The following PAPPA2 variants were observed in gnomAD, a reference collection of about 807,000 sequenced individuals.
PAPPA2 encodes pappalysin-2.
PAPPA2 carries 86 observed loss-of-function variants against 176.4 expected under a neutral mutation model. The observed-to-expected ratio is 0.49, with a 90% CI of 0.41 to 0.58. PAPPA2 has a LOEUF of 0.58. Among genes scored for constraint, PAPPA2 ranks in the 20% least tolerant of loss-of-function variants. The pLI, the probability that PAPPA2 is intolerant of heterozygous loss-of-function variation, is 0.00. For missense variants in PAPPA2, 2,073 were observed against 2,256.9 expected, an observed-to-expected ratio of 0.92 and a Z score of 1.65; for synonymous variants, 809 against 852.2, an observed-to-expected ratio of 0.95 and a Z score of 0.88.
chr1:176,798,180 A>C (rs1247361816), intron 20 of PAPPA2, among the ~76,000 whole-genome samples: 1 of 152,240 alleles, frequency 6.6e-6, no homozygotes, highest in Admixed American at 6.5e-5. Context: ...CAACTCCACT[A>C]TTATGAATTT....
At chr1:176,604,643 C>T (rs191780942) in intron 3 of PAPPA2, among the ~76,000 whole-genome samples, 4 of 152,216 alleles carry the variant, frequency 2.6e-5, no homozygotes, top group Admixed American at 2.0e-4. Flanking sequence ...ACTATCTGGC[C>T]GTTTATGAAA....
chr1:176,476,702 G>A (rs1652143912), intron 1 of PAPPA2, among the ~76,000 whole-genome samples: 1 of 152,128 alleles, frequency 6.6e-6, no homozygotes, highest in African/African-American at 2.4e-5. Context: ...GCCAGTTTTG[G>A]AACCATGACT....
At chr1:176,510,425 C>T (rs1413649143) in intron 1 of PAPPA2, among the ~76,000 whole-genome samples, 2 of 151,984 alleles carry the variant, frequency 1.3e-5, no homozygotes, top group Non-Finnish European at 2.9e-5. Context: ...AATGCCATAT[C>T]AAATGAACAT....
intron 3 of PAPPA2, among the ~76,000 whole-genome samples, chr1:176,663,241 T>A (rs2102761631): frequency 1.3e-5 from 2 of 152,304 alleles, no homozygotes; most frequent in East Asian, 3.9e-4. Flanking sequence ...TATCAAAAAC[T>A]TCCCATCATG....
chr1:176,554,879 T>C lies in PAPPA2; in HGVS notation c.-916-528T>C, dbSNP rs553771804. Among the ~76,000 whole-genome samples, 3 of 152,314 alleles carry C rather than the reference T, an allele frequency of 2.0e-5. No individual in the cohort carries two copies. In the South Asian group the frequency reaches 6.2e-4, roughly 32 times the overall value. Reference sequence around the variant, plus strand: ...TTGAACAAAGTAAGAAAAAATACTTTGTTTTGTTTGTGACAAAACAAAAGA... The same window carrying C: ...TTGAACAAAGTAAGAAAAAATACTTCGTTTTGTTTGTGACAAAACAAAAGA... On this transcript the variant is annotated intron_variant, in intron 1 of 22. Transcript: ENST00000367662.
intron 3 of PAPPA2, among the ~76,000 whole-genome samples, chr1:176,627,288 G>A (rs1656085428): frequency 1.3e-5 from 2 of 152,118 alleles, no homozygotes; most frequent in African/African-American, 4.8e-5. Context: ...AAAAAAGTTG[G>A]TTGGATTAAG....
At chr1:176,750,861 T>C (rs1204193849) in intron 14 of PAPPA2, among the ~76,000 whole-genome samples, 2 of 152,198 alleles carry the variant, frequency 1.3e-5, no homozygotes, top group African/African-American at 4.8e-5. Flanking sequence ...TATATGGTCC[T>C]ATATGCAAAG....
chr1:176,708,596 T>C (rs1040668509), intron 10 of PAPPA2, among the ~76,000 whole-genome samples: 2 of 149,782 alleles, frequency 1.3e-5, no homozygotes, highest in Admixed American at 6.7e-5. Flanking sequence ...GCACATACAT[T>C]GGCTTTGGAG....
chr1:176,640,496 T>C (rs1413147439), intron 3 of PAPPA2, among the ~76,000 whole-genome samples: 1 of 151,794 alleles, frequency 6.6e-6, no homozygotes, highest in Non-Finnish European at 1.5e-5. Flanking sequence ...TCCAATTTCA[T>C]CCATGTCCCT....
At chr1:176,544,303 T>C (rs2102570764) in intron 1 of PAPPA2, among the ~76,000 whole-genome samples, 1 of 152,306 alleles carries the variant, frequency 6.6e-6, no homozygotes, top group East Asian at 1.9e-4. Flanking sequence ...ATTAATAATA[T>C]CTGGCTCTGA....
At chr1:176,479,599 T>C (rs993316032) in intron 1 of PAPPA2, among the ~76,000 whole-genome samples, 1 of 152,134 alleles carries the variant, frequency 6.6e-6, no homozygotes, top group African/African-American at 2.4e-5. Flanking sequence ...AGGTATTTGC[T>C]GGGTAATTTT....
intron 12 of PAPPA2, among the ~76,000 whole-genome samples, chr1:176,714,256 T>C (rs912769772): frequency 8.6e-5 from 13 of 152,022 alleles, no homozygotes; most frequent in African/African-American, 3.1e-4. Context: ...TGATGAGAAA[T>C]AAAGGGTCAG....
chr1:176,664,247 TC>T (rs1271243590), intron 3 of PAPPA2, among the ~76,000 whole-genome samples: 1 of 152,322 alleles, frequency 6.6e-6, no homozygotes, highest in East Asian at 1.9e-4. Context: ...AACATAAATC[TC>T]ACTAGGCTAA....
intron 3 of PAPPA2, among the ~76,000 whole-genome samples, chr1:176,658,646 G>A (rs1446659724): frequency 6.6e-6 from 1 of 151,768 alleles, no homozygotes; most frequent in Non-Finnish European, 1.5e-5. Context: ...TATAGAAGGA[G>A]GATAGCATGA....
intron 10 of PAPPA2, among the ~76,000 whole-genome samples, 165 bp downstream of exon 10, chr1:176,706,615 A>G (rs139822680): frequency 2.2e-4 from 33 of 152,304 alleles, no homozygotes; most frequent in African/African-American, 7.5e-4. Flanking sequence ...TATCTCAGTC[A>G]ATCCTTAGAA....
chr1:176,623,720 T>TTCTTTCTTTC, intron 3 of PAPPA2, among the ~76,000 whole-genome samples: 1 of 133,408 alleles, frequency 7.5e-6, no homozygotes, highest in African/African-American at 3.0e-5. Context: ...TCTTCTTTCT[T>TTCTTTCTTTC]TCTTTCTCTT....
chr1:176,781,985 T>C (rs1664741601), intron 17 of PAPPA2, among the ~76,000 whole-genome samples: 1 of 152,246 alleles, frequency 6.6e-6, no homozygotes, highest in African/African-American at 2.4e-5. Context: ...CAATTGCCTC[T>C]TTCCCTTACA....
intron 17 of PAPPA2, among the ~76,000 whole-genome samples, chr1:176,779,857 G>A (rs1226363563): frequency 6.6e-6 from 1 of 152,066 alleles, no homozygotes; most frequent in Non-Finnish European, 1.5e-5. Context: ...AATCTCCCAG[G>A]TGCAGCCACT....
chr1:176,682,147 G>T (rs946991817), intron 4 of PAPPA2, among the ~76,000 whole-genome samples: 1 of 152,214 alleles, frequency 6.6e-6, no homozygotes, highest in African/African-American at 2.4e-5. Context: ...AGCCTCAGGT[G>T]CTAAGAACTA....
Sources: allele counts gnomAD v4.1 joint callset (sites outside exome capture counted in the v4.1 genomes callset), GRCh38; gene constraint gnomAD v4.1.1; transcripts MANE v1.5; gene names NCBI Gene and HGNC (gene_info 2026-07-23, HGNC 2026-07-21).